NLRP12: variants seen among roughly 807,000 people sequenced by gnomAD.
The protein encoded by NLRP12 is NLR family pyrin domain containing 12.
A neutral mutation model predicts 91.2 loss-of-function variants in NLRP12; 108 were observed. That is an observed-to-expected ratio of 1.18 (90% CI 1.01 to 1.39). NLRP12 has a LOEUF of 1.39. Ranked by LOEUF, NLRP12 falls within the 40% of genes most tolerant of loss-of-function variation. The pLI is 0.00. For missense variants in NLRP12, 1,530 were observed against 1,352.7 expected, an observed-to-expected ratio of 1.13 and a Z score of -2.06; for synonymous variants, 613 against 566.7, an observed-to-expected ratio of 1.08 and a Z score of -1.16.
intron 1 of NLRP12, among the ~76,000 whole-genome samples, chr19:53,819,593 A>ATATATATGTGTATATATGTATG: frequency 1.3e-5 from 1 of 76,000 alleles, no homozygotes; most frequent in Non-Finnish European, 3.0e-5. Context: ...ATGTATACGT[A>ATATATATGTGTATATATGTATG]TATACGCATA....
chr19:53,798,014 C>T (rs952464679), intron 8 of NLRP12, among the ~76,000 whole-genome samples: 1 of 152,238 alleles, frequency 6.6e-6, no homozygotes, highest in Non-Finnish European at 1.5e-5. Context: ...GGATTACAGG[C>T]ATGCGCCATC....
intron 1 of NLRP12, among the ~76,000 whole-genome samples, chr19:53,822,418 A>C (rs1229995880): frequency 2.6e-5 from 4 of 151,744 alleles, no homozygotes; most frequent in Non-Finnish European, 5.9e-5. Flanking sequence ...GGAGTTCAAG[A>C]CCAGCCCGGG....
chr19:53,823,377 A>AT (rs2092289329), intron 1 of NLRP12, among the ~76,000 whole-genome samples: 1 of 119,084 alleles, frequency 8.4e-6, no homozygotes, highest in African/African-American at 3.2e-5. Flanking sequence ...TTAATAATAT[A>AT]ATTATATACA....
At position 53,797,739 on chromosome 19, in the gene NLRP12, T is replaced by A. The variant is rs145983460; in HGVS notation, c.2927+504A>T. 2.1e-3 allele frequency among the ~76,000 whole-genome samples: 311 copies of A among 145,642 alleles called. 4 individuals carry two copies. The East Asian group carries it at 0.022, about 10-fold the overall frequency. Reference sequence around the variant, plus strand: ...AGCCTCTTTTGTAATTTTTAAATTTTAATTTTTTTTTTTTTTGAGACAGAG... The same window carrying A: ...AGCCTCTTTTGTAATTTTTAAATTTAAATTTTTTTTTTTTTTGAGACAGAG... On this transcript the variant is annotated intron_variant, in intron 8 of 9. Transcript: ENST00000324134.
intron 1 of NLRP12, among the ~76,000 whole-genome samples, chr19:53,818,700 C>A (rs114639540): frequency 0.023 from 3,438 of 152,092 alleles, 113 homozygotes; most frequent in African/African-American, 0.078. Context: ...AAAGGTAATT[C>A]TTGAAAATTG....
intron 8 of NLRP12, among the ~76,000 whole-genome samples, chr19:53,797,116 A>G (rs1441150803): frequency 1.4e-5 from 2 of 147,740 alleles, no homozygotes; most frequent in Admixed American, 1.4e-4. Context: ...TGGAATTTAC[A>G]GAGCACCAGA....
chr19:53,818,861 T>G (rs74717483), intron 1 of NLRP12, among the ~76,000 whole-genome samples: 5,782 of 152,188 alleles, frequency 0.038, 140 homozygotes, highest in South Asian at 0.097. Context: ...TGGCCACAAG[T>G]GTCTCGAGAG....
At chr19:53,823,323 A>G (rs914631561) in intron 1 of NLRP12, among the ~76,000 whole-genome samples, 9 of 133,796 alleles carry the variant, frequency 6.7e-5, no homozygotes, top group South Asian at 4.2e-4. Context: ...TATAATAAAT[A>G]TATACTATAT....
intron 4 of NLRP12, 104 bp downstream of exon 4, chr19:53,807,391 C>T (rs1472293285): frequency 2.3e-5 from 27 of 1,175,594 alleles, no homozygotes; most frequent in Admixed American, 1.3e-4. Flanking sequence ...TTATGGCAGC[C>T]GTAGCCAACG....
intron 1 of NLRP12, among the ~76,000 whole-genome samples, chr19:53,819,002 G>C (rs1037162720): frequency 2.6e-4 from 39 of 152,244 alleles, no homozygotes; most frequent in Non-Finnish European, 4.7e-4. Context: ...CTAGACATCT[G>C]TCTCCTTGGG....
chr19:53,804,719 G>A (rs1192138827), intron 5 of NLRP12, among the ~76,000 whole-genome samples: 1 of 149,496 alleles, frequency 6.7e-6, no homozygotes, highest in African/African-American at 2.5e-5. Context: ...CCCATACCTG[G>A]CTAATTAAAA....
chr19:53,823,495 T>TA (rs1568703224), intron 1 of NLRP12, among the ~76,000 whole-genome samples: 2 of 70,896 alleles, frequency 2.8e-5, no homozygotes, highest in African/African-American at 1.2e-4. Flanking sequence ...TTAAAATATA[T>TA]TTATTTAAAA....
intron 9 of NLRP12, among the ~76,000 whole-genome samples, chr19:53,794,999 G>A (rs1036513426): frequency 2.0e-5 from 3 of 151,820 alleles, no homozygotes; most frequent in African/African-American, 4.8e-5. Flanking sequence ...ACCCAGTGGC[G>A]TAATCATGGT....
intron 1 of NLRP12, among the ~76,000 whole-genome samples, chr19:53,822,474 C>T (rs555579726): frequency 1.5e-4 from 23 of 151,584 alleles, no homozygotes; most frequent in African/African-American, 4.8e-4. Context: ...GGCTTATGCC[C>T]GTAATCCCAG....
rs1655693026 is a variant in NLRP12 at position 53,801,288 on chromosome 19, G to A, written c.2695C>T (p.Leu899Phe). Residue 899 changes from leucine to phenylalanine, a missense_variant, in exon 7 of 10, where the codon CTC becomes TTC. Transcript: ENST00000324134. ...LDLSLNELGD[L>F]GVLLLCEGLR... ...CCCTCACACAGCAGCAGCACCCCGA[G>A]GTCCCCCAGCTCATTCAGGCTCAGG... The A allele has an allele frequency of 2.5e-6, 4 of 1,613,806 alleles. No homozygotes were observed. The highest frequency in any genetic ancestry group is 3.4e-6 in the Non-Finnish European group (4 of 1,179,974).
intron 6 of NLRP12, among the ~76,000 whole-genome samples, 174 bp from the exon 7 acceptor site, chr19:53,801,571 G>A (rs1414218236): frequency 6.7e-6 from 1 of 148,628 alleles, no homozygotes; most frequent in Non-Finnish European, 1.5e-5. Flanking sequence ...TCCTGCCTCA[G>A]CCTCCTGAAT....
chr19:53,822,215 A>C (rs1475459194), intron 1 of NLRP12, among the ~76,000 whole-genome samples: 1 of 152,170 alleles, frequency 6.6e-6, no homozygotes, highest in African/African-American at 2.4e-5. Flanking sequence ...ACAAACCTGC[A>C]CATGTACCCC....
In NLRP12 at chr19:53,809,946, G is replaced by A; in HGVS notation, c.1713C>T (p.Thr571=). 6.2e-7 allele frequency: 1 copy of A among 1,614,060 alleles called. No individual in the cohort carries two copies. The highest frequency in any genetic ancestry group is 1.6e-4 in the Middle Eastern group (1 of 6,062). ...RFLFGLLNEE[T]RSHLEKSLCW... is the part of the protein sequence containing the mutation. ...AGAGACTCTTCTCCAGGTGGCTCCT[G>A]GTCTCCTCGTTCAGGAGTCCAAACA... The change falls in exon 3 of 10, where the codon ACC becomes ACT. Residue 571 remains threonine, a synonymous_variant. Coordinates refer to ENST00000324134, the MANE Select transcript of NLRP12 (RefSeq NM_144687.4).
chr19:53,824,219 G>C lies in NLRP12; in HGVS notation c.-45C>G. 6.3e-7 allele frequency: 1 copy of C among 1,598,568 alleles called. No homozygotes were observed. Among genetic ancestry groups the C allele is most frequent in the Non-Finnish European group, 8.5e-7 (1 of 1,170,408 alleles). ...AAGGAGAGGACCTGGAGGCTGAGAT[G>C]CTCCTATGCACGGGACACAGGGCGA... On this transcript the variant is annotated 5_prime_UTR_variant, in exon 1 of 10. Coordinates refer to ENST00000324134, the MANE Select transcript of NLRP12 (RefSeq NM_144687.4).
Sources: gnomAD v4.1 joint callset for allele counts (sites outside exome capture counted in the v4.1 genomes callset) on GRCh38, gnomAD v4.1.1 for gene constraint, MANE v1.5 for transcripts, NCBI Gene and HGNC (gene_info 2026-07-23, HGNC 2026-07-21) for gene names.